NOM1: variants seen among roughly 807,000 people sequenced by gnomAD.
NOM1 encodes the protein nucleolar protein with MIF4G domain 1.
A neutral mutation model predicts 73.3 loss-of-function variants in NOM1; 58 were observed. The ratio of observed to expected loss-of-function variants is 0.79; its 90% CI spans 0.64 to 0.99. NOM1 has a LOEUF of 0.99. Ranked by LOEUF, NOM1 falls within the 50% of genes least tolerant of loss-of-function variation. The pLI, the probability that NOM1 is intolerant of heterozygous loss-of-function variation, is 0.00. For synonymous variants in NOM1, 487 were observed against 446.8 expected (o/e 1.09, Z -1.14); for missense variants, 1,226 against 1,131.9 (o/e 1.08, Z -1.19).
chr7:156,954,659 A>G (rs1030601171), intron 3 of NOM1, among the ~76,000 whole-genome samples: 1 of 149,412 alleles, frequency 6.7e-6, no homozygotes, highest in African/African-American at 2.5e-5. Context: ...GGCGCACACC[A>G]CCAGGCCTGG....
chr7:156,962,310 G>C, intron 5 of NOM1, 49 bp downstream of exon 5: 1 of 1,399,308 alleles, frequency 7.1e-7, no homozygotes, highest in South Asian at 1.2e-5. Context: ...TTCCGTGTCG[G>C]CATGAGCCTG....
chr7:156,950,112 C>T lies in NOM1; in HGVS notation c.375C>T (p.Asp125=). Residue 125 remains aspartate, a synonymous_variant, in exon 1 of 11, where the codon GAC becomes GAT. Coordinates refer to ENST00000275820, the MANE Select transcript of NOM1 (RefSeq NM_138400.2). The stretch of plus-strand genomic sequence containing the variant: ...AAGAAGCCAGCGGTCACCGGCAGGA[C>T]ACGGAGGAGCGCGCCCGCCCAGCCC... The part of the protein sequence containing the change: ...GAEEASGHRQ[D]TEERARPAPS... The T allele has an allele frequency of 2.6e-6, 4 of 1,552,708 alleles. No individual in the cohort carries two copies. The highest frequency in any genetic ancestry group is 3.5e-6 in the Non-Finnish European group (4 of 1,151,658).
In NOM1 at chr7:156,949,929, T is replaced by G; in HGVS notation, c.192T>G (p.Gly64=). 1.3e-6 allele frequency: 2 copies of G among 1,539,982 alleles called. No homozygotes were observed. Among genetic ancestry groups the G allele is most frequent in the Non-Finnish European group, 1.7e-6 (2 of 1,144,948 alleles). The change falls in exon 1 of 11, where the codon GGT becomes GGG. Residue 64 remains glycine, a synonymous_variant. Coordinates refer to ENST00000275820, the MANE Select transcript of NOM1 (RefSeq NM_138400.2). ...CTTCGGAAGGCGAGGCTCCCGGGGG[T>G]TGCGAGGGGCGCGGCGCCCCGGTGA... ...HATSEGEAPG[G]CEGRGAPVSF... is the part of the protein sequence containing the mutation.
chr7:156,955,301 C>T (rs1804693773), intron 3 of NOM1, among the ~76,000 whole-genome samples: 1 of 152,188 alleles, frequency 6.6e-6, no homozygotes, highest in Non-Finnish European at 1.5e-5. Flanking sequence ...CACTCCCAGT[C>T]AGTATCCCAG....
At chr7:156,965,800 G>T (rs1271019611) in intron 7 of NOM1, among the ~76,000 whole-genome samples, 1 of 148,762 alleles carries the variant, frequency 6.7e-6, no homozygotes, top group African/African-American at 2.5e-5. Flanking sequence ...CTGTAATCCA[G>T]CTACTCGGGA....
rs1176975905 is a variant in NOM1, at chr7:156,972,457, A to G, written c.*2754A>G. The G allele has an allele frequency of 1.8e-5, 2 of 109,896 alleles. No individual in the cohort carries two copies. Among genetic ancestry groups the G allele is most frequent in the Non-Finnish European group, 2.1e-5 (1 of 46,712 alleles). 6.8% of individuals were successfully genotyped at this position (109,896 alleles called of 1,614,324 possible). On this transcript the variant is annotated 3_prime_UTR_variant, in exon 11 of 11. Coordinates refer to ENST00000275820, the MANE Select transcript of NOM1 (RefSeq NM_138400.2). Reference sequence around the variant, plus strand: ...TAAAACAAAAATACCTCTCTTTGCTAGAGAGTTATATGTATGACTTAAATT... The same window carrying G: ...TAAAACAAAAATACCTCTCTTTGCTGGAGAGTTATATGTATGACTTAAATT...
At chr7:156,963,683 G>A (rs1804925395) in intron 6 of NOM1, 3 of 459,964 alleles carry the variant, frequency 6.5e-6, no homozygotes, top group East Asian at 3.6e-5. Flanking sequence ...GTTGAACCAC[G>A]ACTGAGAAGC....
Position 156,959,947 on chromosome 7 carries a change from A to G in NOM1, c.1405A>G (p.Ile469Val), listed in dbSNP as rs775335468. The change falls in exon 4 of 11, where the codon ATT becomes GTT. Residue 469 changes from isoleucine (I) to valine (V), a missense_variant. Ile to Val is a conservative substitution (Grantham distance 29). Transcript: ENST00000275820. ...AGAGTGTGACAACCTGTTCACCGTC[A>G]TTGCCCATTTATACAACTTCCACGT... ...GKECDNLFTVIAHLYNFHVVQ... is the reference protein window; with the variant it reads ...GKECDNLFTVVAHLYNFHVVQ... 15 of 1,613,404 alleles carry G rather than the reference A, an allele frequency of 9.3e-6. No individual in the cohort carries two copies. The highest frequency in any genetic ancestry group is 2.7e-5 in the African/African-American group (2 of 74,728).
At position 156,950,450 on chromosome 7, in the gene NOM1, A is replaced by G. The variant is rs2134766452; in HGVS notation, c.713A>G (p.Glu238Gly). ...GGCTTGTACGACAGCAGTGGTGAGG[A>G]GGAGGAAGATGCCGGACAGACACTC... ...NSGLYDSSGE[E>G]EEDAGQTLPE... is the part of the protein sequence containing the mutation. The change falls in exon 1 of 11, where the codon GAG becomes GGG. Residue 238 changes from glutamate to glycine, a missense_variant. By Grantham distance (98) the Glu-to-Gly change is moderately conservative. Transcript: ENST00000275820. 1 of 1,613,954 alleles carries G rather than the reference A, an allele frequency of 6.2e-7. No individual in the cohort carries two copies. The highest frequency in any genetic ancestry group is 8.5e-7 in the Non-Finnish European group (1 of 1,179,876).
Position 156,969,101 on chromosome 7 carries a change from T to G in NOM1, c.2313T>G (p.Ser771Arg), listed in dbSNP as rs1805076605. 1.3e-6 allele frequency: 2 copies of G among 1,573,744 alleles called. No homozygotes were observed. Among genetic ancestry groups the G allele is most frequent in the South Asian group, 2.2e-5 (2 of 90,242 alleles). ...SLSILKVVEF[S>R]ELDKPRVRFL... ...CTGACCATTAGGTAGTTGAATTCAG[T>G]GAATTGGACAAACCCAGAGTCCGTT... Residue 771 changes from serine (S) to arginine (R), a missense_variant, in exon 10 of 11, where the codon AGT becomes AGG. Coordinates refer to ENST00000275820, the MANE Select transcript of NOM1 (RefSeq NM_138400.2).
intron 9 of NOM1, among the ~76,000 whole-genome samples, chr7:156,968,556 GGTA>G (rs1168213622): frequency 6.6e-6 from 1 of 151,804 alleles, no homozygotes; most frequent in Non-Finnish European, 1.5e-5. Context: ...GTCTGTTCTG[GGTA>G]GCATCCTACT....
At chr7:156,952,107 G>C (rs758797521) in intron 1 of NOM1, among the ~76,000 whole-genome samples, 47 of 152,198 alleles carry the variant, frequency 3.1e-4, no homozygotes, top group Non-Finnish European at 5.7e-4. Context: ...GTTTAATTTA[G>C]GTTCTTGTAT....
intron 3 of NOM1, among the ~76,000 whole-genome samples, chr7:156,958,129 C>T (rs888589104): frequency 1.0e-4 from 15 of 145,484 alleles, no homozygotes; most frequent in African/African-American, 3.7e-4. Context: ...GTGTACTTCC[C>T]CATACACTCA....
At chr7:156,955,604 C>T (rs143302051) in intron 3 of NOM1, among the ~76,000 whole-genome samples, 158 of 152,288 alleles carry the variant, frequency 1.0e-3, no homozygotes, top group African/African-American at 3.0e-3. Context: ...TATATACTTT[C>T]GTCTCCTCCT....
intron 8 of NOM1, 87 bp downstream of exon 8, chr7:156,966,489 C>G (rs1805001791): frequency 6.6e-7 from 1 of 1,509,800 alleles, no homozygotes; most frequent in African/African-American, 1.4e-5. Context: ...CAAAGGAGTT[C>G]CCCAAGTCAG....
chr7:156,966,467 T>A lies in NOM1; in HGVS notation c.2166+65T>A, dbSNP rs878855607. The A allele has an allele frequency of 2.5e-6, 4 of 1,584,700 alleles. No homozygotes were observed. In the African/African-American group the frequency reaches 5.4e-5, roughly 21 times the overall value. Reference sequence around the variant, plus strand: ...ATTTTTTCTACACAGGCTACCTGGCTCAACCCACCTGCAAAGGAGTTCCCC... The same window carrying A: ...ATTTTTTCTACACAGGCTACCTGGCACAACCCACCTGCAAAGGAGTTCCCC... On this transcript the variant is annotated intron_variant, in intron 8 of 10. Coordinates refer to ENST00000275820, the MANE Select transcript of NOM1 (RefSeq NM_138400.2).
At chr7:156,962,126 T>A (rs774651736) in intron 4 of NOM1, 25 bp from the exon 5 acceptor site, 9 of 1,592,586 alleles carry the variant, frequency 5.7e-6, no homozygotes, top group Non-Finnish European at 7.8e-6. Flanking sequence ...ATGATGGACT[T>A]TCCATTTTTT....
At chr7:156,958,569 T>C (rs1280898530) in intron 3 of NOM1, 1 of 152,198 alleles carries the variant, frequency 6.6e-6, no homozygotes, top group Non-Finnish European at 1.5e-5. Context: ...AACGACTGTT[T>C]TCTGCCTTCA....
intron 7 of NOM1, 33 bp from the exon 8 acceptor site, chr7:156,966,237 T>A (rs1009065197): frequency 1.2e-6 from 2 of 1,610,528 alleles, no homozygotes; most frequent in African/African-American, 2.7e-5. Flanking sequence ...GGAAGTCGAG[T>A]GATGTTCCAG....
Sources: allele counts gnomAD v4.1 joint callset (sites outside exome capture counted in the v4.1 genomes callset), GRCh38; gene constraint gnomAD v4.1.1; transcripts MANE v1.5; gene names NCBI Gene and HGNC (gene_info 2026-07-23, HGNC 2026-07-21).